GRHPR: variants seen among roughly 807,000 people sequenced by gnomAD.
The protein encoded by GRHPR is glyoxylate reductase/hydroxypyruvate reductase.
Under a neutral mutation model 36.8 loss-of-function variants are expected in GRHPR, and 35 were observed. The ratio of observed to expected loss-of-function variants is 0.95; its 90% CI spans 0.73 to 1.26. GRHPR has a LOEUF of 1.26. Ranked by LOEUF, GRHPR falls within the 50% of genes most tolerant of loss-of-function variation. The pLI is 0.00. For missense variants in GRHPR, 380 were observed against 435.0 expected, an observed-to-expected ratio of 0.87 and a Z score of 1.12; for synonymous variants, 179 against 181.0, an observed-to-expected ratio of 0.99 and a Z score of 0.09.
chr9:37,436,772 T>G lies in GRHPR; in HGVS notation c.977T>G (p.Leu326Arg), dbSNP rs1251237502. The G allele has an allele frequency of 6.2e-7, 1 of 1,614,012 alleles. No individual in the cohort carries two copies. Among genetic ancestry groups the G allele is most frequent in the Admixed American group, 1.7e-5 (1 of 60,004 alleles). The change falls in exon 9 of 9, where the codon CTC (leucine) becomes CGC (arginine). Residue 326 changes from leucine to arginine, a missense_variant. Physicochemically the swap from Leu to Arg is moderately radical, Grantham distance 102 (BLOSUM62 -2). Coordinates refer to ENST00000318158, the MANE Select transcript of GRHPR (RefSeq NM_012203.2). ...GLRGEPMPSE[L>R]KL The stretch of plus-strand genomic sequence containing the variant: ...AGAGGGGAGCCGATGCCTAGTGAAC[T>G]CAAGCTGTAGCCAAACAGTAGAGAT...
chr9:37,426,179 T>G, intron 3 of GRHPR, 185 bp downstream of exon 3: 1 of 627,382 alleles, frequency 1.6e-6, no homozygotes, highest in Non-Finnish European at 2.9e-6. Context: ...TCAGAAACAG[T>G]GGGTAACTTC....
chr9:37,438,636 G>C (rs947562491), downstream of GRHPR: 10 of 152,278 alleles, frequency 6.6e-5, no homozygotes, highest in African/African-American at 2.4e-4. Context: ...CCTCTCCCTG[G>C]GTCCAGGCAG....
chr9:37,434,562 C>A, intron 8 of GRHPR: 2 of 321,218 alleles, frequency 6.2e-6, no homozygotes, highest in South Asian at 9.2e-5. Context: ...CCACTGCAAC[C>A]AAAGAGGAGG....
chr9:37,430,830 G>A (rs1374367161), intron 7 of GRHPR, 184 bp downstream of exon 7: 4 of 701,162 alleles, frequency 5.7e-6, no homozygotes, highest in Non-Finnish European at 1.1e-5. Flanking sequence ...GGGAAGAAGA[G>A]CCGTCAGAGT....
chr9:37,424,546 C>T (rs1822984523), intron 1 of GRHPR, among the ~76,000 whole-genome samples: 1 of 152,256 alleles, frequency 6.6e-6, no homozygotes. Flanking sequence ...TGCAGTTGGC[C>T]GCCTGCTTGG....
chr9:37,432,519 A>C, intron 8 of GRHPR: 1 of 300,978 alleles, frequency 3.3e-6, no homozygotes, highest in Non-Finnish European at 6.6e-6. Flanking sequence ...CTCTACTAAA[A>C]ATACAAAAAT....
chr9:37,429,682 C>G (rs1171280908), intron 5 of GRHPR, 50 bp from the exon 6 acceptor site: 3 of 1,199,200 alleles, frequency 2.5e-6, no homozygotes, highest in Non-Finnish European at 3.7e-6. Context: ...TGGGTGGTGT[C>G]CCTACCCTTT....
chr9:37,428,526 T>C lies in GRHPR; in HGVS notation c.447T>C (p.Tyr149=), dbSNP rs560441686. ...GGAAGCCCCTCTGGCTGTGTGGCTA[T>C]GGACTCACGCAGAGCACTGTCGGCA... is the stretch of plus-strand genomic sequence containing the variant. The part of the protein sequence containing the change: ...TSWKPLWLCG[Y]GLTQSTVGII... Residue 149 remains tyrosine (Y), a synonymous_variant, in exon 5 of 9, where the codon TAT becomes TAC. Coordinates refer to ENST00000318158, the MANE Select transcript of GRHPR (RefSeq NM_012203.2). 1.2e-6 allele frequency: 2 copies of C among 1,612,656 alleles called. No homozygotes were observed. The highest frequency in any genetic ancestry group is 2.2e-5 in the South Asian group (2 of 91,072).
At chr9:37,436,451 T>G (rs961163147) in intron 8 of GRHPR, among the ~76,000 whole-genome samples, 4 of 152,176 alleles carry the variant, frequency 2.6e-5, no homozygotes, top group Admixed American at 2.6e-4. Context: ...TGGGTTTTAG[T>G]AGCCTGGAGG....
intron 8 of GRHPR, chr9:37,432,639 C>T (rs1823425491): frequency 9.7e-6 from 2 of 205,344 alleles, no homozygotes; most frequent in Admixed American, 5.3e-5. Context: ...GATTGTGCCA[C>T]TGCACTCCAG....
chr9:37,432,905 C>A (rs1823439830), intron 8 of GRHPR: 1 of 152,900 alleles, frequency 6.5e-6, no homozygotes, highest in South Asian at 2.1e-4. Flanking sequence ...GGCCTCTGCA[C>A]ACCCCATTTC....
chr9:37,437,438 C>T (rs539196657), downstream of GRHPR, among the ~76,000 whole-genome samples: 11 of 152,040 alleles, frequency 7.2e-5, no homozygotes, highest in South Asian at 4.1e-4. Context: ...TCACCAAGGA[C>T]GGGACAAACA....
chr9:37,430,868 T>C (rs1372487244), intron 7 of GRHPR: 4 of 656,640 alleles, frequency 6.1e-6, no homozygotes, highest in South Asian at 3.0e-5. Context: ...TTCTCAGCAG[T>C]GGCCCCCACC....
downstream of GRHPR, among the ~76,000 whole-genome samples, chr9:37,437,597 G>A (rs1446743342): frequency 6.6e-6 from 1 of 152,060 alleles, no homozygotes; most frequent in Non-Finnish European, 1.5e-5. Flanking sequence ...AGAGGTAGGT[G>A]GGTTTAATTT....
At chr9:37,428,315 TTTCTGCTGCTCATCTGCA>T in intron 4 of GRHPR, 151 bp from the exon 5 acceptor site, 1 of 685,178 alleles carries the variant, frequency 1.5e-6, no homozygotes, top group Non-Finnish European at 2.7e-6. Flanking sequence ...GGTGGAGTCG[TTTCTGCTGCTCATCTGCA>T]GTGCCGAGTG....
At chr9:37,426,038 G>A (rs1823061796) in intron 3 of GRHPR, 44 bp downstream of exon 3, 1 of 1,281,458 alleles carries the variant, frequency 7.8e-7, no homozygotes, top group African/African-American at 1.5e-5. Flanking sequence ...AGAGAGGGGT[G>A]GCTATGAGAG....
Position 37,432,052 on chromosome 9 carries a change from G to A in GRHPR, c.779G>A (p.Ser260Asn). The A allele has an allele frequency of 1.9e-6, 3 of 1,614,176 alleles. No individual in the cohort carries two copies. Among genetic ancestry groups the A allele is most frequent in the Non-Finnish European group, 2.5e-6 (3 of 1,179,964 alleles). The change falls in exon 8 of 9, where the codon AGT becomes AAT. Residue 260 changes from serine (S) to asparagine (N), a missense_variant. Coordinates refer to ENST00000318158, the MANE Select transcript of GRHPR (RefSeq NM_012203.2). ...NQDDLYQALA[S>N]GKIAAAGLDV... Reference sequence around the variant, plus strand: ...GACGACCTGTACCAGGCCTTGGCCAGTGGTAAGATTGCAGCTGCTGGACTG... The same window carrying A: ...GACGACCTGTACCAGGCCTTGGCCAATGGTAAGATTGCAGCTGCTGGACTG...
In GRHPR at chr9:37,426,631, G is replaced by A. The variant is rs151336686; in HGVS notation, c.381G>A (p.Pro127=). ...TACTTACCACCTGCCGCCGGTTGCC[G>A]GAGGCCATCGAGGAAGTGAAGAAGT... The part of the protein sequence containing the change: ...SLLLTTCRRL[P]EAIEEVKNGG... Residue 127 remains proline (P), a synonymous_variant, in exon 4 of 9, where the codon CCG becomes CCA. Coordinates refer to ENST00000318158, the MANE Select transcript of GRHPR (RefSeq NM_012203.2). The A allele has an allele frequency of 5.7e-5, 92 of 1,610,408 alleles. No individual in the cohort carries two copies. The highest frequency in any genetic ancestry group is 5.2e-4 in the African/African-American group (39 of 74,962).
At chr9:37,433,821 A>G in intron 8 of GRHPR, 2 of 377,802 alleles carry the variant, frequency 5.3e-6, no homozygotes, top group Non-Finnish European at 4.7e-6. Context: ...ACTAAGAGTG[A>G]TCAGGGCCTT....
Sources: gnomAD v4.1 joint callset for allele counts (sites outside exome capture counted in the v4.1 genomes callset) on GRCh38, gnomAD v4.1.1 for gene constraint, MANE v1.5 for transcripts, NCBI Gene and HGNC (gene_info 2026-07-23, HGNC 2026-07-21) for gene names.